The following RBFOX1 variants were observed in gnomAD, a reference collection of about 807,000 sequenced individuals.
The protein encoded by RBFOX1 is RNA binding fox-1 homolog 1.
A neutral mutation model predicts 57.7 loss-of-function variants in RBFOX1; 8 were observed. That is an observed-to-expected ratio of 0.14 (90% CI 0.08 to 0.25). The LOEUF (loss-of-function observed/expected upper bound fraction) is 0.25, where lower values mean the gene tolerates loss of function less well. Ranked by LOEUF, RBFOX1 falls within the 10% of genes least tolerant of loss-of-function variation. The probability of loss-of-function intolerance (pLI) is 1.00; values close to 1 mark genes in which losing one functional copy is unlikely to be tolerated. For missense variants in RBFOX1, 611 were observed against 548.5 expected, an observed-to-expected ratio of 1.11 and a Z score of -1.14; for synonymous variants, 326 against 222.4, an observed-to-expected ratio of 1.47 and a Z score of -4.15.
At chr16:6,274,674 C>G (rs1004318909) in intron 1 of RBFOX1, among the ~76,000 whole-genome samples, 2 of 152,068 alleles carry the variant, frequency 1.3e-5, no homozygotes, top group Non-Finnish European at 2.9e-5. Flanking sequence ...TTGAAATCAC[C>G]CTTGTGGGAG....
intron 4 of RBFOX1, among the ~76,000 whole-genome samples, chr16:7,297,636 T>A (rs959108863): frequency 4.9e-4 from 74 of 152,040 alleles, no homozygotes; most frequent in African/African-American, 1.6e-3. Flanking sequence ...TTACCACCAT[T>A]AAAAAAAATT....
chr16:5,644,558 C>T (rs1007466830), intron 3 of RBFOX1, among the ~76,000 whole-genome samples: 2 of 152,206 alleles, frequency 1.3e-5, no homozygotes, highest in African/African-American at 2.4e-5. Flanking sequence ...AGATACATTG[C>T]AGGAACTCAG....
At chr16:5,845,885 G>A (rs1387458542) in intron 3 of RBFOX1, among the ~76,000 whole-genome samples, 1 of 152,114 alleles carries the variant, frequency 6.6e-6, no homozygotes, top group Non-Finnish European at 1.5e-5. Flanking sequence ...AATTTTGTGA[G>A]AAAATGGCCT....
chr16:7,004,513 C>G (rs1480191046), intron 3 of RBFOX1, among the ~76,000 whole-genome samples: 1 of 152,166 alleles, frequency 6.6e-6, no homozygotes, highest in Non-Finnish European at 1.5e-5. Context: ...GGTATGCCAG[C>G]ACTCCAAGAG....
At chr16:6,290,877 T>A (rs1321703533) in intron 1 of RBFOX1, among the ~76,000 whole-genome samples, 3 of 151,850 alleles carry the variant, frequency 2.0e-5, no homozygotes, top group Admixed American at 2.0e-4. Context: ...TCAGGGTGAG[T>A]CTATAAAGTG....
intron 3 of RBFOX1, among the ~76,000 whole-genome samples, chr16:6,728,522 C>G (rs78619717): frequency 5.9e-5 from 9 of 152,140 alleles, no homozygotes; most frequent in African/African-American, 2.2e-4. Flanking sequence ...CTCAACGCAT[C>G]TGAAGTGGTG....
chr16:6,822,575 C>T lies in RBFOX1; in HGVS notation c.-16+167925C>T, dbSNP rs562374827. 9.8e-5 allele frequency among the ~76,000 whole-genome samples: 15 copies of T among 152,312 alleles called. 1 individual carries two copies. The highest frequency in any genetic ancestry group is 5.2e-4 in the Admixed American group (8 of 15,302). On this transcript the variant is annotated intron_variant, in intron 3 of 15. Transcript: ENST00000550418. ...TTGCCGTGCACAGTGAGCTCTTCGC[C>T]GTGCTTGCATTTTATTTCCCATCAC...
chr16:6,285,230 T>C (rs2076779210), intron 1 of RBFOX1, among the ~76,000 whole-genome samples: 1 of 152,118 alleles, frequency 6.6e-6, no homozygotes, highest in Non-Finnish European at 1.5e-5. Flanking sequence ...ATACTAAATA[T>C]GTTAAGCTTA....
chr16:5,858,318 T>A (rs1469462852), intron 3 of RBFOX1, among the ~76,000 whole-genome samples: 1 of 152,188 alleles, frequency 6.6e-6, no homozygotes, highest in Non-Finnish European at 1.5e-5. Flanking sequence ...CTTCAGATAA[T>A]GTTTGCAATC....
rs1191185765 is a variant in RBFOX1, at chr16:7,684,181, G to A, written c.995+7343G>A. On this transcript the variant is annotated intron_variant, in intron 14 of 15. Transcript: ENST00000550418. ...TAATTTATTTCCACTTTTGTGTGTAGTACATGCATGTAAGCAGTCACCAGA... is the reference window on the plus strand; with the variant it reads ...TAATTTATTTCCACTTTTGTGTGTAATACATGCATGTAAGCAGTCACCAGA... Among the ~76,000 whole-genome samples the A allele has an allele frequency of 2.0e-5, 3 of 152,036 alleles. No homozygotes were observed. In the East Asian group the frequency reaches 5.8e-4, roughly 29 times the overall value.
intron 3 of RBFOX1, among the ~76,000 whole-genome samples, chr16:5,661,604 G>T (rs967736321): frequency 6.6e-6 from 1 of 152,200 alleles, no homozygotes; most frequent in African/African-American, 2.4e-5. Context: ...ATGATTTGAT[G>T]TACATACACA....
chr16:5,803,105 A>G (rs1597317021), intron 3 of RBFOX1, among the ~76,000 whole-genome samples: 1 of 152,064 alleles, frequency 6.6e-6, no homozygotes, highest in Non-Finnish European at 1.5e-5. Context: ...AATGGGTTGG[A>G]TGGGACTATA....
chr16:7,366,202 C>G lies in RBFOX1; in HGVS notation c.28-151945C>G, dbSNP rs916966559. ...GATGATTTTAAGCCAGGCTGCCACC[C>G]CATTGGTGTCTGCTGCCATTGCATG... is the stretch of plus-strand genomic sequence containing the variant. On this transcript the variant is annotated intron_variant, in intron 4 of 15. Coordinates refer to ENST00000550418, the MANE Select transcript of RBFOX1 (RefSeq NM_018723.4). Among the ~76,000 whole-genome samples, 11 of 152,192 alleles carry G rather than the reference C, an allele frequency of 7.2e-5. No homozygotes were observed. The East Asian group carries it at 1.5e-3, about 21-fold the overall frequency.
intron 4 of RBFOX1, among the ~76,000 whole-genome samples, chr16:7,310,219 G>C (rs1238975467): frequency 1.3e-5 from 2 of 152,216 alleles, no homozygotes; most frequent in African/African-American, 2.4e-5. Flanking sequence ...GAGCTGGCCA[G>C]GGTTCTCTCT....
At chr16:6,190,463 C>A (rs553694156) in intron 1 of RBFOX1, among the ~76,000 whole-genome samples, 2 of 152,262 alleles carry the variant, frequency 1.3e-5, no homozygotes, top group African/African-American at 2.4e-5. Flanking sequence ...GAATGAACTA[C>A]TTAGTTTTCT....
At chr16:7,318,026 T>A (rs992311603) in intron 4 of RBFOX1, among the ~76,000 whole-genome samples, 1 of 151,388 alleles carries the variant, frequency 6.6e-6, no homozygotes, top group African/African-American at 2.4e-5. Flanking sequence ...ATGATGGTGA[T>A]GATGTGAAAA....
intron 3 of RBFOX1, among the ~76,000 whole-genome samples, chr16:6,812,243 T>C (rs1603627815): frequency 6.6e-6 from 1 of 152,194 alleles, no homozygotes; most frequent in African/African-American, 2.4e-5. Context: ...ATTTCCTGTT[T>C]TGTTAAGAAA....
intron 3 of RBFOX1, among the ~76,000 whole-genome samples, chr16:6,972,207 C>T (rs568045333): frequency 2.6e-5 from 4 of 152,206 alleles, no homozygotes; most frequent in African/African-American, 7.2e-5. Context: ...CTTTTTCATC[C>T]TCTAAATCTG....
intron 3 of RBFOX1, among the ~76,000 whole-genome samples, chr16:6,676,338 T>C (rs1376290129): frequency 6.6e-6 from 1 of 152,020 alleles, no homozygotes; most frequent in Non-Finnish European, 1.5e-5. Flanking sequence ...CAGTCAATTT[T>C]GGGGAGTCAT....
Sources: allele counts gnomAD v4.1 joint callset (sites outside exome capture counted in the v4.1 genomes callset), GRCh38; gene constraint gnomAD v4.1.1; transcripts MANE v1.5; gene names NCBI Gene and HGNC (gene_info 2026-07-23, HGNC 2026-07-21).